Variants in PRRX1 observed in about 807,000 individuals in gnomAD.
PRRX1 encodes the protein paired mesoderm homeobox protein 1.
PRRX1 carries 8 observed loss-of-function variants against 24.0 expected under a neutral mutation model. The ratio of observed to expected loss-of-function variants is 0.33; its 90% CI spans 0.20 to 0.60. The LOEUF is 0.60. Ranked by LOEUF, PRRX1 falls within the 20% of genes least tolerant of loss-of-function variation. PRRX1 has a pLI of 0.82. For missense variants in PRRX1, 281 were observed against 322.4 expected, an observed-to-expected ratio of 0.87 and a Z score of 0.98; for synonymous variants, 160 against 131.7, an observed-to-expected ratio of 1.22 and a Z score of -1.47.
chr1:170,721,799 C>T (rs1341281969), intron 2 of PRRX1, among the ~76,000 whole-genome samples: 1 of 152,166 alleles, frequency 6.6e-6, no homozygotes, highest in East Asian at 1.9e-4. Flanking sequence ...TCTAACTCTG[C>T]TGTTAAATCC....
intron 1 of PRRX1, among the ~76,000 whole-genome samples, chr1:170,681,969 A>C (rs1653561387): frequency 6.6e-6 from 1 of 152,218 alleles, no homozygotes; most frequent in Admixed American, 6.5e-5. Context: ...GTTGTTTCTA[A>C]TTTGGCTGTT....
At chr1:170,701,631 G>A (rs932344139) in intron 1 of PRRX1, among the ~76,000 whole-genome samples, 1 of 152,056 alleles carries the variant, frequency 6.6e-6, no homozygotes, top group Non-Finnish European at 1.5e-5. Flanking sequence ...GATTTTATTC[G>A]AAAGGGTTAT....
At chr1:170,717,900 G>C (rs78212768) in intron 1 of PRRX1, among the ~76,000 whole-genome samples, 4,161 of 152,244 alleles carry the variant, frequency 0.027, 196 homozygotes, top group African/African-American at 0.09. Context: ...GAATATTTTA[G>C]GCATTGGTAG....
chr1:170,669,620 C>A (rs1034622768), intron 1 of PRRX1, among the ~76,000 whole-genome samples: 2 of 151,738 alleles, frequency 1.3e-5, no homozygotes, highest in African/African-American at 4.8e-5. Context: ...AATCCCTCTC[C>A]TACACACTGT....
In PRRX1 at chr1:170,689,839, C is replaced by CT. The variant is rs1558049688; in HGVS notation, c.241+25380_241+25381insT. ...GTCTCTCTCTCTCTCTCTCTCTCTC[C>CT]CTCTCTCTCTCTCTCTCTCTCTCTC... On this transcript the variant is annotated intron_variant, in intron 1 of 3. Coordinates refer to ENST00000239461, the MANE Select transcript of PRRX1 (RefSeq NM_022716.4). 3.4e-3 allele frequency among the ~76,000 whole-genome samples: 307 copies of CT among 91,614 alleles called. 12 individuals are homozygous for CT. The highest frequency in any genetic ancestry group is 8.0e-3 in the African/African-American group (198 of 24,702). The allele number at this position is 91,614 out of a possible 152,430, so 60.1% of individuals were successfully genotyped here.
chr1:170,714,900 G>A (rs1250617208), intron 1 of PRRX1, among the ~76,000 whole-genome samples: 1 of 152,058 alleles, frequency 6.6e-6, no homozygotes, highest in Non-Finnish European at 1.5e-5. Flanking sequence ...TGGGCTTACA[G>A]TCTTCTTTTC....
intron 1 of PRRX1, among the ~76,000 whole-genome samples, chr1:170,716,647 C>T (rs1654917483): frequency 6.6e-6 from 1 of 152,140 alleles, no homozygotes; most frequent in African/African-American, 2.4e-5. Context: ...TGAATCCTTC[C>T]CATTTTAGAA....
intron 1 of PRRX1, among the ~76,000 whole-genome samples, chr1:170,688,258 T>C (rs1003031744): frequency 2.6e-5 from 4 of 152,084 alleles, no homozygotes; most frequent in Non-Finnish European, 5.9e-5. Flanking sequence ...AAGTACAAAG[T>C]GGGTCCAAAA....
chr1:170,674,079 ACAAT>A (rs1558043900), intron 1 of PRRX1, among the ~76,000 whole-genome samples: 1 of 152,268 alleles, frequency 6.6e-6, no homozygotes, highest in Non-Finnish European at 1.5e-5. Flanking sequence ...TTTAGAACTC[ACAAT>A]CACTTTTCAT....
chr1:170,732,027 G>A (rs1375409799), intron 3 of PRRX1, among the ~76,000 whole-genome samples: 4 of 152,128 alleles, frequency 2.6e-5, no homozygotes, highest in Non-Finnish European at 5.9e-5. Context: ...AAGAATAAGT[G>A]GGTTTTACTT....
At chr1:170,678,949 A>G (rs1653412671) in intron 1 of PRRX1, among the ~76,000 whole-genome samples, 1 of 152,196 alleles carries the variant, frequency 6.6e-6, no homozygotes, top group Non-Finnish European at 1.5e-5. Context: ...AGAATCTCCA[A>G]AGTATATGCA....
At chr1:170,703,133 A>G (rs1231486820) in intron 1 of PRRX1, among the ~76,000 whole-genome samples, 1 of 152,264 alleles carries the variant, frequency 6.6e-6, no homozygotes, top group Non-Finnish European at 1.5e-5. Context: ...GGTTAAAATT[A>G]TACCCAATAC....
chr1:170,685,312 A>T (rs897415550), intron 1 of PRRX1, among the ~76,000 whole-genome samples: 1 of 152,148 alleles, frequency 6.6e-6, no homozygotes, highest in African/African-American at 2.4e-5. Context: ...GGACTGTGTG[A>T]GGTGGGTGAG....
At position 170,739,344 on chromosome 1, in the gene PRRX1, ATTGT is replaced by A. The variant is rs1337684409; in HGVS notation, c.*3162_*3165del. 2 of 179,132 alleles carry A rather than the reference ATTGT, an allele frequency of 1.1e-5. No homozygotes were observed. The highest frequency in any genetic ancestry group is 4.7e-5 in the African/African-American group (2 of 42,308). The allele number at this position is 179,132 out of a possible 1,614,324, so 11.1% of individuals were successfully genotyped here. Reference sequence around the variant, plus strand: ...TCTTGCTTTATGTTGTAAAATATACATTGTTTGCGCTAGAATAGAAATGATTTCT... The same window carrying A: ...TCTTGCTTTATGTTGTAAAATATACATTGCGCTAGAATAGAAATGATTTCT... On this transcript the variant is annotated 3_prime_UTR_variant, in exon 4 of 4. Coordinates refer to ENST00000239461, the MANE Select transcript of PRRX1 (RefSeq NM_022716.4).
At chr1:170,723,300 C>T (rs954827070) in intron 2 of PRRX1, among the ~76,000 whole-genome samples, 1 of 151,728 alleles carries the variant, frequency 6.6e-6, no homozygotes, top group Non-Finnish European at 1.5e-5. Flanking sequence ...GTTGGCCCCT[C>T]GAGCTGTACA....
chr1:170,707,869 G>C (rs936434428), intron 1 of PRRX1, among the ~76,000 whole-genome samples: 15 of 152,032 alleles, frequency 9.9e-5, no homozygotes, highest in Admixed American at 3.9e-4. Flanking sequence ...TTTAGAAATA[G>C]GGAAAACCTG....
chr1:170,702,460 G>A (rs886536978), intron 1 of PRRX1, among the ~76,000 whole-genome samples: 1 of 152,052 alleles, frequency 6.6e-6, no homozygotes, highest in Non-Finnish European at 1.5e-5. Flanking sequence ...TGGGTTTGTC[G>A]GACTCCTCCC....
At chr1:170,705,917 GACACACACACACACACATAC>G (rs1654542494) in intron 1 of PRRX1, among the ~76,000 whole-genome samples, 1 of 123,766 alleles carries the variant, frequency 8.1e-6, no homozygotes, top group South Asian at 2.7e-4. Flanking sequence ...TACCCACATA[GACACACACACACACACATAC>G]ACACACACAC....
chr1:170,676,326 C>T (rs1233806904), intron 1 of PRRX1, among the ~76,000 whole-genome samples: 1 of 134,942 alleles, frequency 7.4e-6, no homozygotes, highest in Non-Finnish European at 1.6e-5. Context: ...TTATATCTCC[C>T]CTCTCTTTTT....
Sources: gnomAD v4.1 joint callset for allele counts (sites outside exome capture counted in the v4.1 genomes callset) on GRCh38, gnomAD v4.1.1 for gene constraint, MANE v1.5 for transcripts, NCBI Gene and HGNC (gene_info 2026-07-23, HGNC 2026-07-21) for gene names.